UNC80: variants seen among roughly 807,000 people sequenced by gnomAD.
The protein encoded by UNC80 is unc-80 subunit of NALCN channel complex.
Under a neutral mutation model 384.6 loss-of-function variants are expected in UNC80, and 164 were observed. That is an observed-to-expected ratio of 0.43 (90% confidence interval 0.38 to 0.49). The LOEUF (loss-of-function observed/expected upper bound fraction) is 0.49, where lower values mean the gene tolerates loss of function less well. Ranked by LOEUF, UNC80 falls within the 20% of genes least tolerant of loss-of-function variation. UNC80 has a pLI of 0.00. For missense variants in UNC80, 3,330 were observed against 4,143.0 expected, an observed-to-expected ratio of 0.80 and a Z score of 5.39; for synonymous variants, 1,486 against 1,527.8, an observed-to-expected ratio of 0.97 and a Z score of 0.64.
At chr2:209,982,090 C>T in intron 59 of UNC80, 89 bp from the exon 60 acceptor site, 1 of 1,369,230 alleles carries the variant, frequency 7.3e-7, no homozygotes. Context: ...TGTACACAAG[C>T]CAAGGACAGA....
chr2:209,950,110 G>GC (rs1380045124), intron 47 of UNC80, among the ~76,000 whole-genome samples: 9 of 152,248 alleles, frequency 5.9e-5, no homozygotes, highest in African/African-American at 2.2e-4. Context: ...GGGATTACAG[G>GC]CAGAGGAACT....
intron 31 of UNC80, among the ~76,000 whole-genome samples, chr2:209,914,619 T>C (rs543968327): frequency 6.8e-6 from 1 of 148,138 alleles, no homozygotes; most frequent in African/African-American, 2.5e-5. Flanking sequence ...CAACAATTTT[T>C]AAGTTTCTCA....
chr2:209,956,774 C>T (rs928525512), intron 48 of UNC80, among the ~76,000 whole-genome samples: 1 of 152,010 alleles, frequency 6.6e-6, no homozygotes, highest in Non-Finnish European at 1.5e-5. Flanking sequence ...GCAGATACTC[C>T]CCCTTTTTGC....
intron 22 of UNC80, among the ~76,000 whole-genome samples, chr2:209,869,809 C>A (rs1288903117): frequency 6.6e-6 from 1 of 152,112 alleles, no homozygotes; most frequent in African/African-American, 2.4e-5. Context: ...AATTGCATTT[C>A]CAAACTTGGA....
intron 13 of UNC80, among the ~76,000 whole-genome samples, chr2:209,823,386 C>G (rs2080274945): frequency 6.6e-6 from 1 of 152,134 alleles, no homozygotes; most frequent in Non-Finnish European, 1.5e-5. Flanking sequence ...CAAATAAGCC[C>G]TTGCTCAGGA....
intron 33 of UNC80, among the ~76,000 whole-genome samples, chr2:209,919,981 A>C (rs144169127): frequency 6.6e-6 from 1 of 152,134 alleles, no homozygotes; most frequent in Admixed American, 6.5e-5. Context: ...CAGCTTAGCT[A>C]TCTGGCTCTG....
At chr2:209,955,486 A>G (rs2092363271) in intron 48 of UNC80, among the ~76,000 whole-genome samples, 1 of 149,764 alleles carries the variant, frequency 6.7e-6, no homozygotes, top group African/African-American at 2.4e-5. Context: ...GTTGGCACAG[A>G]CAGCCATGAC....
chr2:209,920,748 C>G (rs911490119), intron 33 of UNC80, among the ~76,000 whole-genome samples: 2 of 151,936 alleles, frequency 1.3e-5, no homozygotes, highest in Admixed American at 6.6e-5. Flanking sequence ...AACTAACTGG[C>G]TTATATGAGA....
intron 29 of UNC80, among the ~76,000 whole-genome samples, chr2:209,912,329 G>A (rs1032392397): frequency 6.6e-6 from 1 of 151,990 alleles, no homozygotes; most frequent in Non-Finnish European, 1.5e-5. Context: ...TTCCTCAAAG[G>A]TCAAAGAGGA....
At chr2:209,923,560 A>G (rs1001953013) in intron 35 of UNC80, among the ~76,000 whole-genome samples, 1 of 152,116 alleles carries the variant, frequency 6.6e-6, no homozygotes, top group Non-Finnish European at 1.5e-5. Context: ...GTTCTGTTCT[A>G]CTGATCTGTA....
Position 209,904,674 on chromosome 2 carries a change from A to C in UNC80, c.4582-91A>C, listed in dbSNP as rs1045928277. On this transcript the variant is annotated intron_variant, in intron 28 of 64. Coordinates refer to ENST00000673920, the MANE Select transcript of UNC80 (RefSeq NM_001371986.1). ...TCAAGACACATCCAGGGAAGCTGAC[A>C]TTCTGACTTCCCATCTTCCACCCCA... The C allele has an allele frequency of 7.9e-6, 9 of 1,143,760 alleles. No individual in the cohort carries two copies. In the East Asian group the frequency reaches 2.1e-4, roughly 26 times the overall value. The allele number at this position is 1,143,760 out of a possible 1,614,324, so 70.9% of individuals were successfully genotyped here.
chr2:209,940,436 T>C (rs1438301433), intron 43 of UNC80, among the ~76,000 whole-genome samples: 1 of 152,206 alleles, frequency 6.6e-6, no homozygotes, highest in African/African-American at 2.4e-5. Context: ...GAGACCCACT[T>C]TGGAGCCTCG....
intron 56 of UNC80, among the ~76,000 whole-genome samples, chr2:209,974,379 A>G (rs1280180640): frequency 6.6e-6 from 1 of 152,242 alleles, no homozygotes; most frequent in African/African-American, 2.4e-5. Flanking sequence ...TCTAAGCTCT[A>G]TCATAGAGCC....
At chr2:209,948,087 G>T (rs1481342264) in intron 47 of UNC80, among the ~76,000 whole-genome samples, 1 of 151,842 alleles carries the variant, frequency 6.6e-6, no homozygotes, top group Admixed American at 6.6e-5. Flanking sequence ...TTCTTCTCTT[G>T]TTATCAGGCA....
Position 209,972,129 on chromosome 2 carries a change from T to C in UNC80, c.8257-72T>C. ...CAGCAGGGAGTCACCGTCTCCATCATACTGTGTAAAAACAAACATACTAAA... is the reference window on the plus strand; with the variant it reads ...CAGCAGGGAGTCACCGTCTCCATCACACTGTGTAAAAACAAACATACTAAA... On this transcript the variant is annotated intron_variant, in intron 54 of 64. Transcript: ENST00000673920. The C allele has an allele frequency of 2.0e-6, 3 of 1,515,280 alleles. No homozygotes were observed. In the South Asian group the frequency reaches 3.8e-5, roughly 19 times the overall value. The allele number at this position is 1,515,280 out of a possible 1,614,324, so 93.9% of individuals were successfully genotyped here.
At chr2:209,820,977 C>T (rs1035495081) in intron 13 of UNC80, among the ~76,000 whole-genome samples, 1 of 152,220 alleles carries the variant, frequency 6.6e-6, no homozygotes, top group African/African-American at 2.4e-5. Flanking sequence ...CTCAGTCTGA[C>T]GCCAAGTATA....
intron 3 of UNC80, 84 bp downstream of exon 3, chr2:209,776,129 T>A: frequency 6.5e-7 from 1 of 1,535,460 alleles, no homozygotes; most frequent in East Asian, 2.3e-5. Context: ...CTGAGTAGTT[T>A]CTGTTTTCTC....
At chr2:209,943,115 AT>A (rs1288620300) in intron 44 of UNC80, among the ~76,000 whole-genome samples, 1 of 152,182 alleles carries the variant, frequency 6.6e-6, no homozygotes, top group Admixed American at 6.5e-5. Context: ...TTATGTATGC[AT>A]GTTTATACAT....
At chr2:209,867,715 A>C (rs2083955654) in intron 22 of UNC80, among the ~76,000 whole-genome samples, 1 of 152,148 alleles carries the variant, frequency 6.6e-6, no homozygotes, top group Admixed American at 6.5e-5. Context: ...GTCTCTCTAT[A>C]GTCAGCAGAA....
Sources: gnomAD v4.1 joint callset for allele counts (sites outside exome capture counted in the v4.1 genomes callset) on GRCh38, gnomAD v4.1.1 for gene constraint, MANE v1.5 for transcripts, NCBI Gene and HGNC (gene_info 2026-07-23, HGNC 2026-07-21) for gene names.